Variants in SRGAP2C observed in about 807,000 individuals in gnomAD.
The protein encoded by SRGAP2C is SLIT-ROBO Rho GTPase-activating protein 2C.
Under a neutral mutation model 25.1 loss-of-function variants are expected in SRGAP2C, and 15 were observed. The ratio of observed to expected loss-of-function variants is 0.60; its 90% CI spans 0.40 to 0.92. SRGAP2C has a LOEUF of 0.92. Among genes scored for constraint, SRGAP2C ranks in the 40% least tolerant of loss-of-function variants. The pLI is 0.00. For synonymous variants in SRGAP2C, 44 were observed against 96.6 expected (o/e 0.46, Z 3.19); for missense variants, 144 against 264.4 (o/e 0.54, Z 3.16).
intron 3 of SRGAP2C, among the ~76,000 whole-genome samples, chr1:121,323,007 T>G (rs1347530177): frequency 1.3e-5 from 2 of 151,342 alleles, no homozygotes; most frequent in Non-Finnish European, 3.0e-5. Context: ...TTGGTTTGAA[T>G]TCTGGAATTG....
At chr1:121,261,094 A>ATTTTTTTTTTTTTTT (rs1211026484) in intron 2 of SRGAP2C, among the ~76,000 whole-genome samples, 11 of 26,268 alleles carry the variant, frequency 4.2e-4, no homozygotes, top group Non-Finnish European at 5.3e-4. Context: ...ACACCTGGCT[A>ATTTTTTTTTTTTTTT]TTTTTTTTTT....
chr1:121,275,571 G>T (rs1657087498), intron 2 of SRGAP2C, among the ~76,000 whole-genome samples: 1 of 132,422 alleles, frequency 7.6e-6, no homozygotes, highest in South Asian at 2.3e-4. Context: ...TTTCACTTGG[G>T]ATCCTTTTGT....
chr1:121,191,629 C>T (rs587610164), intron 2 of SRGAP2C, among the ~76,000 whole-genome samples: 1 of 151,176 alleles, frequency 6.6e-6, no homozygotes, highest in South Asian at 2.1e-4. Flanking sequence ...TGGTAAGGTG[C>T]AGGGCATGGT....
intron 3 of SRGAP2C, among the ~76,000 whole-genome samples, chr1:121,285,439 C>A (rs1156480575): frequency 2.0e-5 from 3 of 149,432 alleles, no homozygotes; most frequent in African/African-American, 4.9e-5. Flanking sequence ...CACTCACACA[C>A]CCCTAGTAAA....
At chr1:121,265,071 A>T (rs1316954595) in intron 2 of SRGAP2C, among the ~76,000 whole-genome samples, 14 of 65,662 alleles carry the variant, frequency 2.1e-4, no homozygotes, top group Middle Eastern at 8.5e-3. Context: ...GTGGCACACC[A>T]TTGTAATTCC....
At chr1:121,258,322 C>T (rs1292118581) in intron 2 of SRGAP2C, among the ~76,000 whole-genome samples, 3 of 151,510 alleles carry the variant, frequency 2.0e-5, no homozygotes, top group Non-Finnish European at 4.4e-5. Context: ...TGGTGCCCTT[C>T]CCACAGGGAA....
At chr1:121,188,529 G>A (rs1248931392) in intron 2 of SRGAP2C, among the ~76,000 whole-genome samples, 7 of 146,212 alleles carry the variant, frequency 4.8e-5, no homozygotes, top group Non-Finnish European at 9.0e-5. Flanking sequence ...ACCTTAGCTG[G>A]GGAGTGGAAG....
chr1:121,379,229 C>T (rs1176603907), intron 7 of SRGAP2C, among the ~76,000 whole-genome samples: 1 of 152,102 alleles, frequency 6.6e-6, no homozygotes, highest in African/African-American at 2.4e-5. Flanking sequence ...GTGAAACACC[C>T]ATTTTTCCTT....
chr1:121,265,040 T>C (rs1184572225), intron 2 of SRGAP2C, among the ~76,000 whole-genome samples: 3 of 78,638 alleles, frequency 3.8e-5, no homozygotes, highest in Admixed American at 2.8e-4. Flanking sequence ...CTACTAAAAA[T>C]ACAAAAATTA....
intron 8 of SRGAP2C, among the ~76,000 whole-genome samples, chr1:121,384,991 G>A (rs1277322178): frequency 6.6e-6 from 1 of 152,146 alleles, no homozygotes; most frequent in Admixed American, 6.5e-5. Flanking sequence ...CCTGGAGCTT[G>A]TGAAGGTTCC....
intron 2 of SRGAP2C, among the ~76,000 whole-genome samples, chr1:121,199,037 A>G (rs1234563585): frequency 6.6e-6 from 1 of 152,160 alleles, no homozygotes; most frequent in Non-Finnish European, 1.5e-5. Context: ...GATGATGATG[A>G]TGGTTAGCAT....
At chr1:121,275,657 CT>C (rs1553336045) in intron 2 of SRGAP2C, among the ~76,000 whole-genome samples, 1 of 151,134 alleles carries the variant, frequency 6.6e-6, no homozygotes, top group African/African-American at 2.4e-5. Context: ...TGAAATATCC[CT>C]CTCATTGGCT....
intron 2 of SRGAP2C, among the ~76,000 whole-genome samples, chr1:121,235,683 A>G (rs1460230596): frequency 6.6e-5 from 4 of 60,738 alleles, no homozygotes; most frequent in African/African-American, 1.1e-4. Context: ...AAGAAATATA[A>G]TGAACCTCCA....
intron 2 of SRGAP2C, among the ~76,000 whole-genome samples, chr1:121,267,903 C>T (rs1486934867): frequency 1.3e-5 from 2 of 151,670 alleles, no homozygotes; most frequent in African/African-American, 4.8e-5. Context: ...AAAGTAAATA[C>T]TCATTATAAA....
chr1:121,282,549 G>C (rs1441402689), intron 2 of SRGAP2C, among the ~76,000 whole-genome samples: 3 of 151,136 alleles, frequency 2.0e-5, no homozygotes, highest in African/African-American at 7.3e-5. Flanking sequence ...AAAACGCCTT[G>C]GTTCTTTTTT....
At chr1:121,350,595 C>T (rs1658877293) in intron 4 of SRGAP2C, among the ~76,000 whole-genome samples, 1 of 151,876 alleles carries the variant, frequency 6.6e-6, no homozygotes, top group South Asian at 2.1e-4. Context: ...AAAAAAATAA[C>T]TCAAAATGGA....
At chr1:121,272,405 C>T (rs1345937834) in intron 2 of SRGAP2C, among the ~76,000 whole-genome samples, 1 of 151,656 alleles carries the variant, frequency 6.6e-6, no homozygotes, top group Non-Finnish European at 1.5e-5. Flanking sequence ...GTTCCAGGGT[C>T]AGACTTTTCT....
intron 2 of SRGAP2C, among the ~76,000 whole-genome samples, chr1:121,238,749 G>T (rs1656019385): frequency 1.3e-5 from 2 of 149,930 alleles, no homozygotes; most frequent in Non-Finnish European, 3.0e-5. Context: ...AAGTAGCAGG[G>T]ACTACAATTG....
intron 2 of SRGAP2C, among the ~76,000 whole-genome samples, chr1:121,275,055 G>T (rs1657070393): frequency 6.9e-6 from 1 of 145,832 alleles, no homozygotes; most frequent in Non-Finnish European, 1.5e-5. Flanking sequence ...CCCACCCAAG[G>T]TCTCAAGAGG....
Sources: allele counts gnomAD v4.1 joint callset (sites outside exome capture counted in the v4.1 genomes callset), GRCh38; gene constraint gnomAD v4.1.1; transcripts MANE v1.5; gene names NCBI Gene and HGNC (gene_info 2026-07-23, HGNC 2026-07-21).